Variants in KCNMA1 observed in about 807,000 individuals in gnomAD.
The protein encoded by KCNMA1 is Calcium-activated potassium channel subunit alpha-1.
In KCNMA1, 29 loss-of-function variants were observed where a neutral mutation model predicts 140.0. The ratio of observed to expected loss-of-function variants is 0.21; its 90% confidence interval spans 0.15 to 0.28. The LOEUF is 0.28. Among genes scored for constraint, KCNMA1 ranks in the 10% least tolerant of loss-of-function variants. The probability of loss-of-function intolerance (pLI) is 1.00; values close to 1 mark genes in which losing one functional copy is unlikely to be tolerated. For missense variants in KCNMA1, 880 were observed against 1,602.2 expected (o/e 0.55, Z 7.70); for synonymous variants, 612 against 611.9 (o/e 1.00, Z 0.00).
intron 2 of KCNMA1, among the ~76,000 whole-genome samples, chr10:77,403,619 C>T (rs1343364361): frequency 6.6e-6 from 1 of 152,080 alleles, no homozygotes. Flanking sequence ...AGGAAATGTG[C>T]TACATCTTCC....
intron 2 of KCNMA1, among the ~76,000 whole-genome samples, chr10:77,366,188 G>C (rs1341735392): frequency 6.9e-6 from 1 of 144,938 alleles, no homozygotes; most frequent in East Asian, 2.0e-4. Context: ...CTATTTTTGA[G>C]ATCACGTTTC....
intron 3 of KCNMA1, chr10:77,250,865 T>G: frequency 3.1e-6 from 1 of 324,418 alleles, no homozygotes. Flanking sequence ...TCCCAGAAGT[T>G]GCAAATTCCC....
At chr10:76,884,123 ACT>A (rs754947361), downstream of KCNMA1, 6 of 289,274 alleles carry the variant, frequency 2.1e-5, no homozygotes, top group Non-Finnish European at 2.6e-5. Context: ...TATAAAACGC[ACT>A]TCGGATTTAC....
At chr10:77,203,328 C>T (rs1225488048) in intron 3 of KCNMA1, among the ~76,000 whole-genome samples, 1 of 152,174 alleles carries the variant, frequency 6.6e-6, no homozygotes, top group Non-Finnish European at 1.5e-5. Context: ...AATGGACGGG[C>T]TGCTGCATTC....
At chr10:77,299,968 T>C (rs900846444) in intron 2 of KCNMA1, among the ~76,000 whole-genome samples, 2 of 152,210 alleles carry the variant, frequency 1.3e-5, no homozygotes, top group Non-Finnish European at 2.9e-5. Context: ...GGAGGCTGTG[T>C]CCACTGTTCA....
At chr10:77,621,415 A>T (rs565947422) in intron 1 of KCNMA1, among the ~76,000 whole-genome samples, 2 of 152,290 alleles carry the variant, frequency 1.3e-5, no homozygotes, top group South Asian at 4.1e-4. Context: ...ATTCCACACC[A>T]GGTTGCACAG....
intron 23 of KCNMA1, among the ~76,000 whole-genome samples, chr10:76,927,481 G>A (rs753304159): frequency 2.6e-5 from 4 of 152,188 alleles, no homozygotes; most frequent in East Asian, 1.9e-4. Context: ...ATGCTATCTC[G>A]GGCATTGTGG....
intron 1 of KCNMA1, among the ~76,000 whole-genome samples, chr10:77,544,302 C>T (rs1170672040): frequency 1.3e-5 from 2 of 151,976 alleles, no homozygotes; most frequent in East Asian, 3.9e-4. Context: ...TTTTCAAAAA[C>T]AATTGTTATA....
intron 2 of KCNMA1, among the ~76,000 whole-genome samples, chr10:77,331,108 A>G (rs1602804004): frequency 7.2e-6 from 1 of 138,988 alleles, no homozygotes; most frequent in South Asian, 2.4e-4. Context: ...CCCCCCATGT[A>G]CCTGCCAGCC....
downstream of KCNMA1, chr10:76,873,703 C>T (rs2031820769): frequency 6.6e-6 from 1 of 152,190 alleles, no homozygotes; most frequent in African/African-American, 2.4e-5. Flanking sequence ...CGGCTCACAT[C>T]TCAGTCAATT....
chr10:77,175,153 C>T (rs1012246353), intron 5 of KCNMA1, among the ~76,000 whole-genome samples: 1 of 152,030 alleles, frequency 6.6e-6, no homozygotes, highest in African/African-American at 2.4e-5. Flanking sequence ...TGTAACAAGT[C>T]CCCAGTAACG....
intron 1 of KCNMA1, among the ~76,000 whole-genome samples, chr10:77,596,775 T>C (rs2081068046): frequency 6.6e-6 from 1 of 152,212 alleles, no homozygotes; most frequent in South Asian, 2.1e-4. Flanking sequence ...CTTGGCTATT[T>C]TGACGTCACA....
At chr10:77,427,401 A>T (rs2097031533) in intron 1 of KCNMA1, among the ~76,000 whole-genome samples, 1 of 152,232 alleles carries the variant, frequency 6.6e-6, no homozygotes, top group African/African-American at 2.4e-5. Context: ...TGTGAGCTTC[A>T]GTGCCCTCCC....
chr10:76,943,017 A>G (rs2062977003), intron 23 of KCNMA1, among the ~76,000 whole-genome samples: 1 of 152,146 alleles, frequency 6.6e-6, no homozygotes, highest in South Asian at 2.1e-4. Flanking sequence ...GAGGTTCTGT[A>G]ACTCTAACAG....
chr10:77,414,457 G>C (rs176285), intron 1 of KCNMA1, among the ~76,000 whole-genome samples: 70,113 of 151,916 alleles, frequency 0.46, 17,298 homozygotes, highest in South Asian at 0.55. Flanking sequence ...ATCTTCACAA[G>C]AAGCCTGCAA....
chr10:76,925,820 A>G (rs1385328508), intron 23 of KCNMA1, among the ~76,000 whole-genome samples: 1 of 152,180 alleles, frequency 6.6e-6, no homozygotes, highest in Non-Finnish European at 1.5e-5. Context: ...TATAACATCC[A>G]TATCTTAAGC....
intron 23 of KCNMA1, among the ~76,000 whole-genome samples, chr10:76,936,121 C>G (rs2060490162): frequency 6.6e-6 from 1 of 152,212 alleles, no homozygotes; most frequent in Non-Finnish European, 1.5e-5. Flanking sequence ...AAAACAGCTG[C>G]AATTGCTGCT....
At chr10:77,110,033 G>A in intron 8 of KCNMA1, 140 bp downstream of exon 8, 1 of 774,390 alleles carries the variant, frequency 1.3e-6, no homozygotes. Flanking sequence ...CATCGTGTTT[G>A]GATTTACTTA....
At chr10:77,013,425 A>G (rs966895479) in intron 17 of KCNMA1, among the ~76,000 whole-genome samples, 3 of 152,140 alleles carry the variant, frequency 2.0e-5, no homozygotes, top group Non-Finnish European at 4.4e-5. Flanking sequence ...ATGTCTCAAA[A>G]AAATTAAAAA....
Sources: gnomAD v4.1 joint callset for allele counts (sites outside exome capture counted in the v4.1 genomes callset) on GRCh38, gnomAD v4.1.1 for gene constraint, MANE v1.5 for transcripts, NCBI Gene and HGNC (gene_info 2026-07-23, HGNC 2026-07-21) for gene names.